KCNH7: variants seen among roughly 807,000 people sequenced by gnomAD.
KCNH7 encodes the protein potassium voltage-gated channel subfamily H member 7.
A neutral mutation model predicts 120.8 loss-of-function variants in KCNH7; 49 were observed. The observed-to-expected ratio is 0.41, with a 90% confidence interval of 0.32 to 0.51. KCNH7 has a LOEUF of 0.51. KCNH7 is among the 20% of genes least tolerant of loss of function. KCNH7 has a pLI of 0.38. For synonymous variants in KCNH7, 547 were observed against 516.1 expected, an observed-to-expected ratio of 1.06 and a Z score of -0.81; for missense variants, 1,097 against 1,446.6, an observed-to-expected ratio of 0.76 and a Z score of 3.92.
intron 2 of KCNH7, among the ~76,000 whole-genome samples, chr2:162,772,284 T>G (rs1025182414): frequency 1.3e-5 from 2 of 152,182 alleles, no homozygotes; most frequent in Admixed American, 1.3e-4. Flanking sequence ...ACTTTTTAAT[T>G]TTTTATGAGG....
chr2:162,815,847 A>G (rs1684900191), intron 2 of KCNH7, among the ~76,000 whole-genome samples: 1 of 152,220 alleles, frequency 6.6e-6, no homozygotes, highest in Non-Finnish European at 1.5e-5. Flanking sequence ...TCTAAATTTC[A>G]GGATTATGGT....
intron 2 of KCNH7, among the ~76,000 whole-genome samples, chr2:162,830,382 T>A (rs1685436389): frequency 6.6e-6 from 1 of 152,138 alleles, no homozygotes; most frequent in Non-Finnish European, 1.5e-5. Flanking sequence ...TTCAACTAAT[T>A]GATATTTATT....
At chr2:162,543,686 T>C (rs1692388502) in intron 2 of KCNH7, among the ~76,000 whole-genome samples, 1 of 152,118 alleles carries the variant, frequency 6.6e-6, no homozygotes, top group African/African-American at 2.4e-5. Flanking sequence ...GGCTCTACTA[T>C]TATTTAGTGA....
intron 2 of KCNH7, among the ~76,000 whole-genome samples, chr2:162,600,689 G>A (rs1229036285): frequency 1.3e-5 from 2 of 152,118 alleles, no homozygotes; most frequent in Non-Finnish European, 1.5e-5. Context: ...AGTTTTACTT[G>A]TTGCATGAAT....
chr2:162,681,019 T>C (rs1311473678), intron 2 of KCNH7, among the ~76,000 whole-genome samples: 6 of 151,892 alleles, frequency 4.0e-5, no homozygotes, highest in African/African-American at 1.2e-4. Flanking sequence ...TTAGAAAACT[T>C]AAGGAAAGTA....
chr2:162,606,143 T>G (rs1682755572), intron 2 of KCNH7, among the ~76,000 whole-genome samples: 1 of 152,142 alleles, frequency 6.6e-6, no homozygotes, highest in Non-Finnish European at 1.5e-5. Flanking sequence ...AATTCCTTTG[T>G]GTATAAATAA....
intron 2 of KCNH7, among the ~76,000 whole-genome samples, chr2:162,727,351 G>A (rs1015607986): frequency 9.2e-4 from 140 of 152,190 alleles, no homozygotes; most frequent in African/African-American, 3.2e-3. Context: ...TTAAATTCAT[G>A]TTAATAAAAT....
intron 2 of KCNH7, among the ~76,000 whole-genome samples, chr2:162,765,282 G>A (rs1244816975): frequency 1.3e-5 from 2 of 152,164 alleles, no homozygotes; most frequent in Non-Finnish European, 2.9e-5. Context: ...ATGTGTACAA[G>A]TCCAAAAATG....
intron 2 of KCNH7, among the ~76,000 whole-genome samples, chr2:162,657,415 T>C (rs1237937977): frequency 6.6e-6 from 1 of 152,210 alleles, no homozygotes; most frequent in Non-Finnish European, 1.5e-5. Context: ...TCACAGTATG[T>C]AACCTTTTCA....
chr2:162,586,295 G>A (rs572676680), intron 2 of KCNH7, among the ~76,000 whole-genome samples: 1 of 152,122 alleles, frequency 6.6e-6, no homozygotes, highest in South Asian at 2.1e-4. Flanking sequence ...ACCTCAAAAG[G>A]CCTTCCTTAT....
chr2:162,742,099 G>T (rs1044922755), intron 2 of KCNH7, among the ~76,000 whole-genome samples: 23 of 152,080 alleles, frequency 1.5e-4, no homozygotes, highest in Non-Finnish European at 1.5e-5. Context: ...TGCACCTGAA[G>T]ACCACATCTC....
At chr2:162,814,297 A>G (rs1200494761) in intron 2 of KCNH7, among the ~76,000 whole-genome samples, 2 of 152,216 alleles carry the variant, frequency 1.3e-5, no homozygotes, top group Non-Finnish European at 2.9e-5. Flanking sequence ...ATTCCTTATC[A>G]TCTTAAAATT....
At chr2:162,626,263 A>G (rs73028532) in intron 2 of KCNH7, among the ~76,000 whole-genome samples, 2,025 of 152,242 alleles carry the variant, frequency 0.013, 55 homozygotes, top group African/African-American at 0.047. Flanking sequence ...GACACAGAAT[A>G]CCTACTGAAA....
At chr2:162,502,124 T>C (rs936383652) in intron 6 of KCNH7, 1 of 152,092 alleles carries the variant, frequency 6.6e-6, no homozygotes, top group Admixed American at 6.6e-5. Flanking sequence ...CATATGGACT[T>C]TACTGCTTTC....
At chr2:162,713,260 G>A (rs1423456441) in intron 2 of KCNH7, among the ~76,000 whole-genome samples, 1 of 152,146 alleles carries the variant, frequency 6.6e-6, no homozygotes, top group Admixed American at 6.6e-5. Context: ...GAGACAGAAA[G>A]AGAGAGCATC....
intron 2 of KCNH7, among the ~76,000 whole-genome samples, chr2:162,764,989 T>TA (rs1682730611): frequency 6.6e-6 from 1 of 152,104 alleles, no homozygotes; most frequent in Admixed American, 6.6e-5. Flanking sequence ...AAACCAAATT[T>TA]AAAAAATATT....
chr2:162,602,278 C>T (rs1694585298), intron 2 of KCNH7, among the ~76,000 whole-genome samples: 1 of 151,928 alleles, frequency 6.6e-6, no homozygotes, highest in Non-Finnish European at 1.5e-5. Flanking sequence ...GCTTCAGGGC[C>T]TAGATGAACT....
intron 2 of KCNH7, among the ~76,000 whole-genome samples, chr2:162,668,804 T>G (rs553590981): frequency 6.6e-6 from 1 of 152,284 alleles, no homozygotes; most frequent in African/African-American, 2.4e-5. Flanking sequence ...ATGAGACAAC[T>G]ATAATTATTT....
intron 2 of KCNH7, among the ~76,000 whole-genome samples, chr2:162,602,178 G>A (rs1694580409): frequency 6.6e-6 from 1 of 152,190 alleles, no homozygotes; most frequent in East Asian, 1.9e-4. Flanking sequence ...AGTTTGGTTA[G>A]AGGTGAGTTG....
Sources: allele counts gnomAD v4.1 joint callset (sites outside exome capture counted in the v4.1 genomes callset), GRCh38; gene constraint gnomAD v4.1.1; transcripts MANE v1.5; gene names NCBI Gene and HGNC (gene_info 2026-07-23, HGNC 2026-07-21).